TSHZ3: variants seen among roughly 807,000 people sequenced by gnomAD.
TSHZ3 encodes the protein teashirt zinc finger homeobox 3, also known as teashirt homolog 3.
TSHZ3 carries 10 observed loss-of-function variants against 64.5 expected under a neutral mutation model. The ratio of observed to expected loss-of-function variants is 0.16; its 90% CI spans 0.10 to 0.26. The LOEUF (loss-of-function observed/expected upper bound fraction) is 0.26, where lower values mean the gene tolerates loss of function less well. TSHZ3 is among the 10% of genes least tolerant of loss of function. The probability of loss-of-function intolerance (pLI) is 1.00; values close to 1 mark genes in which losing one functional copy is unlikely to be tolerated. For synonymous variants in TSHZ3, 608 were observed against 593.1 expected (o/e 1.03, Z -0.36); for missense variants, 1,242 against 1,421.7 (o/e 0.87, Z 2.03).
intron 1 of TSHZ3, among the ~76,000 whole-genome samples, chr19:31,328,923 GC>G (rs1352935912): frequency 6.6e-6 from 1 of 152,164 alleles, no homozygotes; most frequent in East Asian, 1.9e-4. Context: ...TGTCACCTAA[GC>G]GGGAGTGGCT....
At chr19:31,204,011 T>C (rs1006419110) in intron 5 of TSHZ3, among the ~76,000 whole-genome samples, 2 of 151,976 alleles carry the variant, frequency 1.3e-5, no homozygotes, top group African/African-American at 4.8e-5. Flanking sequence ...GCAAACACCT[T>C]CACATGGCTG....
intron 5 of TSHZ3, among the ~76,000 whole-genome samples, chr19:31,193,484 C>A (rs1040910961): frequency 6.6e-6 from 1 of 152,138 alleles, no homozygotes; most frequent in African/African-American, 2.4e-5. Context: ...AAATGCCAGG[C>A]ATGTTCCAAG....
chr19:31,192,744 G>T lies in TSHZ3; in HGVS notation n.809+12212C>A, dbSNP rs568060196. 1.6e-4 allele frequency among the ~76,000 whole-genome samples: 24 copies of T among 152,296 alleles called. No homozygotes were observed. In the South Asian group the frequency reaches 3.5e-3, roughly 22 times the overall value. On this transcript the variant is annotated intron_variant and non_coding_transcript_variant, in intron 5 of 6. Transcript: ENST00000651361. The stretch of plus-strand genomic sequence containing the variant: ...TTTTTACTTGCTCATTAGATGCCAA[G>T]CAACTCTTATGTTGACGCAAACAAC...
At chr19:31,347,287 C>T (rs760083581) in intron 1 of TSHZ3, among the ~76,000 whole-genome samples, 1 of 152,044 alleles carries the variant, frequency 6.6e-6, no homozygotes, top group Non-Finnish European at 1.5e-5. Context: ...GTTCCCTCCT[C>T]CTCTGATATT....
At chr19:31,156,661 A>G (rs964673988) in intron 5 of TSHZ3, among the ~76,000 whole-genome samples, 1 of 152,174 alleles carries the variant, frequency 6.6e-6, no homozygotes, top group Non-Finnish European at 1.5e-5. Context: ...CTGCATTGCA[A>G]AATCATTCCC....
At chr19:31,264,036 C>T (rs1354908646) in intron 1 of TSHZ3, among the ~76,000 whole-genome samples, 1 of 152,118 alleles carries the variant, frequency 6.6e-6, no homozygotes, top group African/African-American at 2.4e-5. Flanking sequence ...ACCAAAGACC[C>T]CATGTAGAAT....
At chr19:31,181,405 G>C (rs995832609) in intron 5 of TSHZ3, among the ~76,000 whole-genome samples, 3 of 152,144 alleles carry the variant, frequency 2.0e-5, no homozygotes, top group Non-Finnish European at 4.4e-5. Flanking sequence ...TTTGGAAGAT[G>C]TACCATCTGA....
intron 5 of TSHZ3, among the ~76,000 whole-genome samples, chr19:31,173,042 A>C (rs1311841727): frequency 6.6e-6 from 1 of 152,228 alleles, no homozygotes; most frequent in African/African-American, 2.4e-5. Flanking sequence ...ATGAAATGGC[A>C]GTCCTTTGTA....
intron 1 of TSHZ3, among the ~76,000 whole-genome samples, chr19:31,342,316 CAG>C (rs2145198678): frequency 6.6e-6 from 1 of 152,304 alleles, no homozygotes; most frequent in African/African-American, 2.4e-5. Context: ...AGGGGTTTAA[CAG>C]GGAAAAAGCT....
rs149957655 is a variant in TSHZ3, at chr19:31,157,439, A to C, written n.810-1022T>G. On this transcript the variant is annotated intron_variant and non_coding_transcript_variant, in intron 5 of 6. Transcript: ENST00000651361. ...GCCACTTTTTGCTCTAAAAGGTTAG[A>C]GCTCAGTAGGTATAATAGATACTAT... Among the ~76,000 whole-genome samples, 495 of 152,306 alleles carry C rather than the reference A, an allele frequency of 3.3e-3. 3 individuals carry two copies. Among genetic ancestry groups the C allele is most frequent in the African/African-American group, 0.011 (472 of 41,560 alleles).
intron 3 of TSHZ3, among the ~76,000 whole-genome samples, chr19:31,235,529 C>T (rs1975596210): frequency 6.6e-6 from 1 of 151,810 alleles, no homozygotes; most frequent in African/African-American, 2.4e-5. Flanking sequence ...ATAGAACTTC[C>T]TCCAATGTGT....
intron 1 of TSHZ3, among the ~76,000 whole-genome samples, chr19:31,252,487 T>A (rs1305898072): frequency 3.3e-5 from 5 of 152,196 alleles, no homozygotes; most frequent in Non-Finnish European, 5.9e-5. Flanking sequence ...TGAATTATAA[T>A]CCCCACATGT....
intron 5 of TSHZ3, among the ~76,000 whole-genome samples, chr19:31,167,039 G>A (rs543308861): frequency 1.7e-4 from 26 of 152,172 alleles, no homozygotes; most frequent in African/African-American, 5.1e-4. Context: ...AGCTGAGACC[G>A]GAGCCCCATG....
intron 1 of TSHZ3, among the ~76,000 whole-genome samples, chr19:31,304,274 G>A (rs914881142): frequency 5.9e-5 from 9 of 152,018 alleles, no homozygotes; most frequent in Non-Finnish European, 7.4e-5. Context: ...CGCCCAGTCC[G>A]AAGTGCTCAC....
chr19:31,300,086 T>A (rs1378935089), intron 1 of TSHZ3, among the ~76,000 whole-genome samples: 1 of 152,258 alleles, frequency 6.6e-6, no homozygotes, highest in Non-Finnish European at 1.5e-5. Flanking sequence ...GTGTGTGAAT[T>A]CTCTCCAAAG....
intron 4 of TSHZ3, among the ~76,000 whole-genome samples, chr19:31,227,186 C>G (rs1975478965): frequency 6.6e-6 from 1 of 151,602 alleles, no homozygotes. Flanking sequence ...CACTATGTTG[C>G]CCAGGCTGGT....
intron 1 of TSHZ3, among the ~76,000 whole-genome samples, chr19:31,331,201 A>G (rs1259095223): frequency 6.6e-6 from 1 of 152,172 alleles, no homozygotes; most frequent in East Asian, 1.9e-4. Flanking sequence ...ATGTGGACAG[A>G]GCGACACCAG....
At chr19:31,325,440 T>C (rs1325202031) in intron 1 of TSHZ3, among the ~76,000 whole-genome samples, 1 of 152,238 alleles carries the variant, frequency 6.6e-6, no homozygotes, top group Non-Finnish European at 1.5e-5. Flanking sequence ...TATGCTTTCA[T>C]ATCCGTATCC....
In TSHZ3 at chr19:31,279,795, A is replaced by G; in HGVS notation, c.41-43T>C. ...GGGAAAGAGAGACAGGTAGGATGGAATGAAGAGAGACAGGGAGAAGGAGAG... is the reference window on the plus strand; with the variant it reads ...GGGAAAGAGAGACAGGTAGGATGGAGTGAAGAGAGACAGGGAGAAGGAGAG... On this transcript the variant is annotated intron_variant, in intron 1 of 1. Coordinates refer to ENST00000240587, the MANE Select transcript of TSHZ3 (RefSeq NM_020856.4). The surrounding 1 kb of genome is among the most constrained non-coding windows in gnomAD (Gnocchi z 6.4). 1 of 1,449,824 alleles carries G rather than the reference A, an allele frequency of 6.9e-7. No individual in the cohort carries two copies. The highest frequency in any genetic ancestry group is 9.1e-7 in the Non-Finnish European group (1 of 1,095,878). 89.8% of individuals were successfully genotyped at this position (1,449,824 alleles called of 1,614,324 possible). A position where few individuals can be genotyped will look rare whatever the true frequency, so the allele number is the denominator to read the frequency against.
Sources: allele counts gnomAD v4.1 joint callset (sites outside exome capture counted in the v4.1 genomes callset), GRCh38; gene constraint gnomAD v4.1.1; non-coding constraint Gnocchi (gnomAD v3.1); transcripts MANE v1.5; gene names NCBI Gene and HGNC (gene_info 2026-07-23, HGNC 2026-07-21).